Variants in SLC39A11 observed in about 807,000 individuals in gnomAD.
SLC39A11 encodes the protein solute carrier family 39 member 11.
Under a neutral mutation model 36.1 loss-of-function variants are expected in SLC39A11, and 33 were observed. The ratio of observed to expected loss-of-function variants is 0.91; its 90% CI spans 0.69 to 1.22. The LOEUF (loss-of-function observed/expected upper bound fraction) is 1.22. SLC39A11 is among the 50% of genes most tolerant of loss of function. The pLI is 0.00. For missense variants in SLC39A11, 432 were observed against 430.3 expected (o/e 1.00, Z -0.03); for synonymous variants, 166 against 170.3 (o/e 0.97, Z 0.20).
At position 73,023,552 on chromosome 17, in the gene SLC39A11, T is replaced by C. The variant is rs148826541; in HGVS notation, c.306+8004A>G. 2.7e-3 allele frequency among the ~76,000 whole-genome samples: 416 copies of C among 151,948 alleles called. 1 individual carries two copies. The highest frequency in any genetic ancestry group is 0.017 in the East Asian group (90 of 5,166). Reference sequence around the variant, plus strand: ...TTGCCCAGGCTGGAGTGCAGTGGTGTGATCTCGGCTCACTGCAACCTCTGT... The same window carrying C: ...TTGCCCAGGCTGGAGTGCAGTGGTGCGATCTCGGCTCACTGCAACCTCTGT... On this transcript the variant is annotated intron_variant, in intron 4 of 9. Coordinates refer to ENST00000255559, the MANE Select transcript of SLC39A11 (RefSeq NM_139177.4).
At chr17:72,673,972 G>T (rs1233217827) in intron 7 of SLC39A11, among the ~76,000 whole-genome samples, 2 of 152,152 alleles carry the variant, frequency 1.3e-5, no homozygotes, top group Non-Finnish European at 2.9e-5. Context: ...GGAGGCTGAG[G>T]CAGGAGAATT....
intron 6 of SLC39A11, among the ~76,000 whole-genome samples, chr17:72,802,746 G>C (rs957282596): frequency 6.6e-6 from 1 of 152,178 alleles, no homozygotes; most frequent in Non-Finnish European, 1.5e-5. Flanking sequence ...CTGGACAGTA[G>C]AGAGCCACTC....
At chr17:72,772,504 C>A (rs969312668) in intron 6 of SLC39A11, among the ~76,000 whole-genome samples, 24 of 152,156 alleles carry the variant, frequency 1.6e-4, no homozygotes, top group Non-Finnish European at 2.6e-4. Flanking sequence ...AGTGCTCAGG[C>A]CCATGAGCAG....
chr17:72,937,183 G>A (rs1182893547), intron 5 of SLC39A11, among the ~76,000 whole-genome samples: 3 of 152,216 alleles, frequency 2.0e-5, no homozygotes, highest in African/African-American at 7.2e-5. Flanking sequence ...GCTCACGCCT[G>A]TAATCCCAGC....
chr17:73,070,559 C>G (rs867445381), intron 3 of SLC39A11, among the ~76,000 whole-genome samples: 5 of 152,284 alleles, frequency 3.3e-5, no homozygotes, highest in Middle Eastern at 6.8e-3. Flanking sequence ...ACCATGATCC[C>G]GATTAGAACA....
intron 5 of SLC39A11, among the ~76,000 whole-genome samples, chr17:72,878,792 T>C (rs1462118473): frequency 6.6e-6 from 1 of 152,174 alleles, no homozygotes; most frequent in African/African-American, 2.4e-5. Flanking sequence ...TTCAATTCAA[T>C]CCAGACACTA....
At chr17:72,948,869 C>T (rs1239205883) in intron 4 of SLC39A11, among the ~76,000 whole-genome samples, 1 of 152,086 alleles carries the variant, frequency 6.6e-6, no homozygotes, top group Non-Finnish European at 1.5e-5. Flanking sequence ...TAAATGAATC[C>T]ACAATGGGGT....
chr17:72,753,970 A>C (rs1242841563), intron 6 of SLC39A11, among the ~76,000 whole-genome samples: 1 of 147,782 alleles, frequency 6.8e-6, no homozygotes, highest in Non-Finnish European at 1.5e-5. Flanking sequence ...GAAACAGCCC[A>C]AATGCCCATC....
chr17:72,800,665 A>C (rs191952852), intron 6 of SLC39A11, among the ~76,000 whole-genome samples: 298 of 152,178 alleles, frequency 2.0e-3, no homozygotes, highest in Middle Eastern at 0.01. Context: ...GTCACTGGAC[A>C]CCTTCAGTAA....
chr17:72,693,543 C>T lies in SLC39A11; in HGVS notation c.671+43107G>A, dbSNP rs1169646345. On this transcript the variant is annotated intron_variant, in intron 7 of 9. Transcript: ENST00000255559. Reference sequence around the variant, plus strand: ...ACTGTCCATTCCTTGGGCGGTCGCACAATAGTAAGCATCTTGCTTTCCAAG... The same window carrying T: ...ACTGTCCATTCCTTGGGCGGTCGCATAATAGTAAGCATCTTGCTTTCCAAG... Among the ~76,000 whole-genome samples the T allele has an allele frequency of 2.6e-5, 4 of 152,278 alleles. No individual in the cohort carries two copies. In the East Asian group the frequency reaches 7.7e-4, roughly 29 times the overall value.
At chr17:72,830,168 C>T (rs2078218395) in intron 6 of SLC39A11, among the ~76,000 whole-genome samples, 1 of 152,164 alleles carries the variant, frequency 6.6e-6, no homozygotes, top group Non-Finnish European at 1.5e-5. Context: ...AAATTGCTAC[C>T]ACTGATAAAT....
intron 6 of SLC39A11, among the ~76,000 whole-genome samples, chr17:72,738,870 T>C (rs2087095692): frequency 6.6e-6 from 1 of 152,112 alleles, no homozygotes; most frequent in South Asian, 2.1e-4. Flanking sequence ...GGGTCCAGGA[T>C]GCTGGAATTG....
intron 6 of SLC39A11, among the ~76,000 whole-genome samples, chr17:72,786,985 AAT>A (rs2076538731): frequency 6.6e-6 from 1 of 151,908 alleles, no homozygotes. Flanking sequence ...ACGCCCAGCT[AAT>A]TTTTGTATTT....
At chr17:73,038,668 C>CT (rs1369951938) in intron 3 of SLC39A11, among the ~76,000 whole-genome samples, 4 of 150,090 alleles carry the variant, frequency 2.7e-5, no homozygotes, top group African/African-American at 9.8e-5. Flanking sequence ...GATGGAGCCA[C>CT]TGCACTCTAG....
At position 72,962,088 on chromosome 17, in the gene SLC39A11, T is replaced by C. The variant is rs191895112; in HGVS notation, c.307-14213A>G. 1.5e-3 allele frequency among the ~76,000 whole-genome samples: 223 copies of C among 152,298 alleles called. 1 individual carries two copies. Among genetic ancestry groups the C allele is most frequent in the Non-Finnish European group, 2.7e-3 (187 of 68,018 alleles). On this transcript the variant is annotated intron_variant, in intron 4 of 9. Transcript: ENST00000255559. ...TGAGAAAGTACTGAAGCAGCTTGCT[T>C]CTAAGGGAAACATTTCTCTGCTTCC... is the stretch of plus-strand genomic sequence containing the variant.
At chr17:72,795,573 T>C (rs1375243692) in intron 6 of SLC39A11, among the ~76,000 whole-genome samples, 1 of 152,128 alleles carries the variant, frequency 6.6e-6, no homozygotes, top group South Asian at 2.1e-4. Context: ...AGTGAACCAC[T>C]GAGAAGTCTA....
intron 6 of SLC39A11, among the ~76,000 whole-genome samples, chr17:72,771,408 G>A (rs2075937805): frequency 6.6e-6 from 1 of 151,894 alleles, no homozygotes; most frequent in African/African-American, 2.4e-5. Context: ...ATGACGAGGA[G>A]CCATGAGCAG....
At position 72,794,354 on chromosome 17, in the gene SLC39A11, C is replaced by T. The variant is rs376777880; in HGVS notation, c.601+55280G>A. On this transcript the variant is annotated intron_variant, in intron 6 of 9. Coordinates refer to ENST00000255559, the MANE Select transcript of SLC39A11 (RefSeq NM_139177.4). The stretch of plus-strand genomic sequence containing the variant: ...CCAGCCCCCACCAAGCCAGCGAGCG[C>T]GGTGAGGACTCACACTGACTCCACA... Among the ~76,000 whole-genome samples the T allele has an allele frequency of 9.2e-5, 14 of 152,218 alleles. No individual in the cohort carries two copies. The East Asian group carries it at 9.7e-4, about 10-fold the overall frequency.
intron 1 of SLC39A11, chr17:73,089,902 TC>T (rs917839619): frequency 2.0e-5 from 3 of 152,150 alleles, no homozygotes; most frequent in African/African-American, 7.2e-5. Flanking sequence ...AAATTCTGGA[TC>T]TGAGATGACA....
Sources: gnomAD v4.1 joint callset for allele counts (sites outside exome capture counted in the v4.1 genomes callset) on GRCh38, gnomAD v4.1.1 for gene constraint, MANE v1.5 for transcripts, NCBI Gene and HGNC (gene_info 2026-07-23, HGNC 2026-07-21) for gene names.